The following ERBB4 variants were observed in gnomAD, a reference collection of about 807,000 sequenced individuals.
The protein encoded by ERBB4 is erb-b2 receptor tyrosine kinase 4, also known as receptor tyrosine-protein kinase erbB-4.
A neutral mutation model predicts 158.0 loss-of-function variants in ERBB4; 42 were observed. The observed-to-expected ratio is 0.27, with a 90% CI of 0.21 to 0.34. The LOEUF (loss-of-function observed/expected upper bound fraction) is 0.34, where lower values mean the gene tolerates loss of function less well. Among genes scored for constraint, ERBB4 ranks in the 10% least tolerant of loss-of-function variants. ERBB4 has a pLI of 1.00. For missense variants in ERBB4, 1,333 were observed against 1,624.1 expected, an observed-to-expected ratio of 0.82 and a Z score of 3.08; for synonymous variants, 583 against 558.7, an observed-to-expected ratio of 1.04 and a Z score of -0.61.
intron 3 of ERBB4, among the ~76,000 whole-genome samples, chr2:211,885,455 AT>A (rs924716283): frequency 6.3e-4 from 93 of 148,432 alleles, no homozygotes; most frequent in East Asian, 2.0e-3. Flanking sequence ...AACTGCTATA[AT>A]TTTTTTTTTT....
intron 2 of ERBB4, among the ~76,000 whole-genome samples, chr2:211,970,037 C>T (rs1362846183): frequency 2.0e-5 from 3 of 152,014 alleles, no homozygotes; most frequent in Non-Finnish European, 2.9e-5. Context: ...TTTAGTGCTA[C>T]AAATTTCCCT....
intron 1 of ERBB4, among the ~76,000 whole-genome samples, chr2:212,126,141 C>T (rs1210116000): frequency 6.6e-6 from 1 of 152,068 alleles, no homozygotes; most frequent in African/African-American, 2.4e-5. Context: ...TATGTGAGCA[C>T]ACAAGTTTAC....
intron 1 of ERBB4, among the ~76,000 whole-genome samples, chr2:212,528,517 T>G (rs11903262): frequency 5.8e-4 from 89 of 152,314 alleles, no homozygotes; most frequent in African/African-American, 2.1e-3. Context: ...AGGAAAGTTC[T>G]AAAAGAACTT....
At chr2:212,409,683 T>C (rs190608734) in intron 1 of ERBB4, among the ~76,000 whole-genome samples, 45 of 152,274 alleles carry the variant, frequency 3.0e-4, no homozygotes, top group Admixed American at 2.9e-3. Flanking sequence ...TGAGAATTCA[T>C]TAAGCACTTT....
At position 212,003,191 on chromosome 2, in the gene ERBB4, A is replaced by AAGAAAGAAAGAAAG. The variant is rs1559293362; in HGVS notation, c.235-55589_235-55576dup. ...AAAGAAAGAAAGAAAGAAAGAAAGA[A>AAGAAAGAAAGAAAG]AGAAAGAAAGAAAGACAGAAAGAAG... On this transcript the variant is annotated intron_variant, in intron 2 of 27. Coordinates refer to ENST00000342788, the MANE Select transcript of ERBB4 (RefSeq NM_005235.3). Among the ~76,000 whole-genome samples, 55 of 74,156 alleles carry AAGAAAGAAAGAAAG rather than the reference A, an allele frequency of 7.4e-4. 1 individual carries two copies. Among genetic ancestry groups the AAGAAAGAAAGAAAG allele is most frequent in the Non-Finnish European group, 1.1e-3 (35 of 30,668 alleles). 48.6% of individuals were successfully genotyped at this position (74,156 alleles called of 152,430 possible). A position where few individuals can be genotyped will look rare whatever the true frequency, so the allele number is the denominator to read the frequency against.
intron 3 of ERBB4, among the ~76,000 whole-genome samples, chr2:211,792,244 T>A (rs2076292330): frequency 6.6e-6 from 1 of 151,784 alleles, no homozygotes; most frequent in Admixed American, 6.6e-5. Flanking sequence ...ACTGGTCCTA[T>A]GTTTCATAAA....
intron 1 of ERBB4, among the ~76,000 whole-genome samples, chr2:212,504,191 A>G (rs115754701): frequency 0.012 from 1,895 of 152,298 alleles, 42 homozygotes; most frequent in African/African-American, 0.043. Context: ...GAGTCCTCAG[A>G]TATCAGAAGG....
chr2:211,970,638 T>C (rs1042086424), intron 2 of ERBB4, among the ~76,000 whole-genome samples: 1 of 152,096 alleles, frequency 6.6e-6, no homozygotes, highest in Non-Finnish European at 1.5e-5. Flanking sequence ...ATGACCTTCT[T>C]TGTCTTTTTT....
At chr2:212,096,600 A>G (rs1401740730) in intron 2 of ERBB4, among the ~76,000 whole-genome samples, 1 of 152,236 alleles carries the variant, frequency 6.6e-6, no homozygotes, top group Admixed American at 6.5e-5. Context: ...CTCACATAGT[A>G]TACATGTCAT....
At chr2:211,673,303 C>CA (rs1181088815) in intron 13 of ERBB4, 46 bp from the exon 14 acceptor site, 37 of 1,367,318 alleles carry the variant, frequency 2.7e-5, no homozygotes, top group Non-Finnish European at 3.5e-5. Flanking sequence ...AAACAAGCGT[C>CA]AACTTAACAA....
intron 1 of ERBB4, among the ~76,000 whole-genome samples, chr2:212,210,213 CAAAAA>C (rs58137267): frequency 0.065 from 8,866 of 135,580 alleles, 299 homozygotes; most frequent in South Asian, 0.16. Context: ...AATGCTAGTG[CAAAAA>C]AAAAAAAAAA....
intron 2 of ERBB4, among the ~76,000 whole-genome samples, chr2:212,101,831 A>C (rs2079092685): frequency 6.6e-6 from 1 of 151,758 alleles, no homozygotes. Flanking sequence ...TCCCGCTGGA[A>C]GCTTATTCAG....
chr2:212,275,533 G>C (rs557482841), intron 1 of ERBB4, among the ~76,000 whole-genome samples: 1 of 151,928 alleles, frequency 6.6e-6, no homozygotes, highest in African/African-American at 2.4e-5. Context: ...GTGATGATGA[G>C]CGTTTTTTCA....
intron 1 of ERBB4, among the ~76,000 whole-genome samples, chr2:212,144,930 T>C (rs1193855165): frequency 3.3e-5 from 5 of 152,212 alleles, no homozygotes; most frequent in African/African-American, 1.2e-4. Context: ...TAATTTCTAA[T>C]CTTAGTATTT....
At chr2:212,495,618 G>C (rs1318531477) in intron 1 of ERBB4, among the ~76,000 whole-genome samples, 1 of 152,136 alleles carries the variant, frequency 6.6e-6, no homozygotes, top group Non-Finnish European at 1.5e-5. Context: ...CGAGGCACGT[G>C]CTATGTCTCA....
chr2:211,571,041 C>CTTTTTTTTTTTTT (rs549254649), intron 19 of ERBB4, among the ~76,000 whole-genome samples: 3 of 109,078 alleles, frequency 2.8e-5, no homozygotes, highest in African/African-American at 1.1e-4. Context: ...TACTCTTCTT[C>CTTTTTTTTTTTTT]TTTTTTTTTT....
chr2:212,380,014 A>C (rs544200724), intron 1 of ERBB4, among the ~76,000 whole-genome samples: 1 of 151,460 alleles, frequency 6.6e-6, no homozygotes, highest in African/African-American at 2.4e-5. Flanking sequence ...AGAGTTGTTC[A>C]AGTAGTAGGG....
chr2:211,982,240 G>T (rs994354649), intron 2 of ERBB4, among the ~76,000 whole-genome samples: 5 of 152,030 alleles, frequency 3.3e-5, no homozygotes, highest in Non-Finnish European at 7.4e-5. Flanking sequence ...GATAGTACAA[G>T]CAGTAATCAA....
chr2:212,044,393 G>A (rs73988952), intron 2 of ERBB4, among the ~76,000 whole-genome samples: 22,359 of 151,960 alleles, frequency 0.15, 2,380 homozygotes, highest in African/African-American at 0.29. Flanking sequence ...TTTCAATGCC[G>A]ATATTTCTGC....
Sources: allele counts gnomAD v4.1 joint callset (sites outside exome capture counted in the v4.1 genomes callset), GRCh38; gene constraint gnomAD v4.1.1; transcripts MANE v1.5; gene names NCBI Gene and HGNC (gene_info 2026-07-23, HGNC 2026-07-21).